KLC1: variants seen among roughly 807,000 people sequenced by gnomAD.
KLC1 encodes the protein kinesin 2 60/70kDa.
In KLC1, 30 loss-of-function variants were observed where a neutral mutation model predicts 84.2. The observed-to-expected ratio is 0.36, with a 90% CI of 0.27 to 0.48. The LOEUF (loss-of-function observed/expected upper bound fraction) is 0.48, where lower values mean the gene tolerates loss of function less well. Ranked by LOEUF, KLC1 falls within the 20% of genes least tolerant of loss-of-function variation. The pLI is 0.99. For synonymous variants in KLC1, 289 were observed against 293.3 expected, an observed-to-expected ratio of 0.99 and a Z score of 0.15; for missense variants, 499 against 805.4, an observed-to-expected ratio of 0.62 and a Z score of 4.60.
At chr14:103,675,659 A>G (rs751138134) in intron 10 of KLC1, 30 bp from the exon 11 acceptor site, 3 of 1,604,794 alleles carry the variant, frequency 1.9e-6, no homozygotes, top group South Asian at 1.1e-5. Context: ...CAAGATAATT[A>G]TTCATTTGAA....
Position 103,701,372 on chromosome 14 carries a change from CCTTGGG to C in KLC1, c.*174_*179del, listed in dbSNP as rs1272142293. The C allele has an allele frequency of 4.6e-5, 31 of 671,682 alleles. No individual in the cohort carries two copies. The South Asian group carries it at 6.8e-4, about 15-fold the overall frequency. 41.6% of individuals were successfully genotyped at this position (671,682 alleles called of 1,614,324 possible). On this transcript the variant is annotated 3_prime_UTR_variant, in exon 17 of 17. Transcript: ENST00000334553. ...ACTAATAACCACACGGCTGGCGTGA[CCTTGGG>C]GCTGGGGCTGGGCCTAAGCTGGTGC...
At chr14:103,658,454 TA>T (rs1567019942) in intron 3 of KLC1, among the ~76,000 whole-genome samples, 1 of 132,646 alleles carries the variant, frequency 7.5e-6, no homozygotes, top group African/African-American at 2.9e-5. Flanking sequence ...TTTTTTTTTT[TA>T]GTAGAGATGA....
intron 3 of KLC1, among the ~76,000 whole-genome samples, chr14:103,658,428 G>GTTTT (rs536826342): frequency 6.6e-5 from 6 of 91,232 alleles, no homozygotes; most frequent in African/African-American, 2.0e-4. Flanking sequence ...GCCCAGCTAA[G>GTTTT]TTTTTTTTTT....
Position 103,700,727 on chromosome 14 carries a change from C to T in KLC1, c.*1C>T, listed in dbSNP as rs375637912. ...GTGGCCTGGAAGACGCCACCGCTAACGTGAGTCCCACGGCCTGCAGCCCCA... is the reference window on the plus strand; with the variant it reads ...GTGGCCTGGAAGACGCCACCGCTAATGTGAGTCCCACGGCCTGCAGCCCCA... On this transcript the variant is annotated splice_region_variant and 3_prime_UTR_variant, in exon 16 of 17. Transcript: ENST00000334553. The T allele has an allele frequency of 1.6e-5, 25 of 1,593,670 alleles. No individual in the cohort carries two copies. The highest frequency in any genetic ancestry group is 1.7e-4 in the Middle Eastern group (1 of 5,768).
At chr14:103,677,587 AT>A in intron 12 of KLC1, 64 bp downstream of exon 12, 1 of 892,984 alleles carries the variant, frequency 1.1e-6, no homozygotes, top group Non-Finnish European at 1.8e-6. Flanking sequence ...TCTCTTTTAC[AT>A]GAATTTTATT....
At position 103,694,730 on chromosome 14, in the gene KLC1, CAG is replaced by C; in HGVS notation, c.1848+2306_1848+2307del. ...AGCTCAGCTTGCCACTGTCATGTAACAGGGTGGGTGGTGGCACAGCAGAGGCT... is the reference window on the plus strand; with the variant it reads ...AGCTCAGCTTGCCACTGTCATGTAACGGTGGGTGGTGGCACAGCAGAGGCT... On this transcript the variant is annotated intron_variant, in intron 15 of 16. Transcript: ENST00000334553. This position sits in a 1 kb window ranked among gnomAD's most constrained non-coding sequence, Gnocchi z 4.5. 3 of 985,480 alleles carry C rather than the reference CAG, an allele frequency of 3.0e-6. No homozygotes were observed. The highest frequency in any genetic ancestry group is 3.6e-6 in the Non-Finnish European group (3 of 829,944). 61.0% of individuals were successfully genotyped at this position (985,480 alleles called of 1,614,324 possible). A position where few individuals can be genotyped will look rare whatever the true frequency, so the allele number is the denominator to read the frequency against.
chr14:103,648,641 AG>A (rs2078145490), intron 1 of KLC1, among the ~76,000 whole-genome samples: 1 of 151,698 alleles, frequency 6.6e-6, no homozygotes, highest in East Asian at 1.9e-4. Flanking sequence ...AAAATAAAAA[AG>A]AAAGAAAAAT....
intron 1 of KLC1, among the ~76,000 whole-genome samples, chr14:103,635,430 C>T (rs2076974806): frequency 1.3e-5 from 2 of 152,054 alleles, no homozygotes; most frequent in Non-Finnish European, 2.9e-5. Flanking sequence ...TTCAAACTAG[C>T]TTGGGCAATA....
intron 1 of KLC1, among the ~76,000 whole-genome samples, chr14:103,651,170 C>T (rs757617974): frequency 6.6e-6 from 1 of 151,494 alleles, no homozygotes; most frequent in African/African-American, 2.4e-5. Context: ...CCACCACGCC[C>T]GGCTAATTTT....
chr14:103,644,022 T>A (rs368122784), intron 1 of KLC1, among the ~76,000 whole-genome samples: 28 of 152,152 alleles, frequency 1.8e-4, no homozygotes, highest in African/African-American at 6.5e-4. Flanking sequence ...GAGACCATCC[T>A]GGGTAACATG....
intron 13 of KLC1, chr14:103,684,902 T>A (rs1432489735): frequency 4.1e-6 from 3 of 722,954 alleles, no homozygotes; most frequent in Non-Finnish European, 7.7e-6. Context: ...ATCCTTTTTC[T>A]CAAGAGCAGC....
At chr14:103,677,378 T>A in intron 11 of KLC1, 37 bp from the exon 12 acceptor site, 3 of 1,223,370 alleles carry the variant, frequency 2.5e-6, no homozygotes, top group Middle Eastern at 1.9e-4. Flanking sequence ...TCAGAGCTTA[T>A]ATGTCATAGT....
At chr14:103,666,075 G>GT (rs369484169) in intron 5 of KLC1, among the ~76,000 whole-genome samples, 5 of 151,298 alleles carry the variant, frequency 3.3e-5, no homozygotes, top group Non-Finnish European at 4.4e-5. Context: ...GCTTCTTTTT[G>GT]TTTTTTTTGA....
intron 1 of KLC1, among the ~76,000 whole-genome samples, chr14:103,634,735 C>CTTT (rs570758645): frequency 6.8e-6 from 1 of 147,222 alleles, no homozygotes; most frequent in African/African-American, 2.5e-5. Context: ...TGACCTTTAA[C>CTTT]TTTTTTTTTT....
chr14:103,636,843 C>T lies in KLC1; in HGVS notation c.-2+7349C>T, dbSNP rs541741288. ...GTTCACGCCATTCCCCTGCCTCAGC[C>T]TCTGGAGTAGCTGGGACTACAGGCG... On this transcript the variant is annotated intron_variant, in intron 1 of 16. Coordinates refer to ENST00000334553, the MANE Select transcript of KLC1 (RefSeq NM_001394837.1). Among the ~76,000 whole-genome samples, 4 of 152,066 alleles carry T rather than the reference C, an allele frequency of 2.6e-5. No homozygotes were observed. In the East Asian group the frequency reaches 5.8e-4, roughly 22 times the overall value.
intron 1 of KLC1, among the ~76,000 whole-genome samples, chr14:103,632,471 T>G (rs191551295): frequency 3.3e-5 from 5 of 151,826 alleles, no homozygotes; most frequent in African/African-American, 9.7e-5. Context: ...ATCCCAGCAC[T>G]TTGGGAGGCC....
At chr14:103,700,609 G>A in intron 15 of KLC1, 46 bp from the exon 16 acceptor site, 1 of 1,525,154 alleles carries the variant, frequency 6.6e-7, no homozygotes, top group Non-Finnish European at 9.0e-7. Context: ...ACGCCTGAGG[G>A]CCGCCTGCAC....
In KLC1 at chr14:103,692,423, C is replaced by T; in HGVS notation, c.1846C>T (p.Gln616Ter). Residue 616 changes from glutamine to a stop codon, truncating the protein, a stop_gained and splice_region_variant, in exon 15 of 17, where the codon CAA becomes TAA. Coordinates refer to ENST00000334553, the MANE Select transcript of KLC1 (RefSeq NM_001394837.1). LOFTEE classifies it high-confidence loss of function. ...VGGKAAEDRFQGVSGRASFCG... is the reference protein window; with the variant it reads ...VGGKAAEDRF The stretch of plus-strand genomic sequence containing the variant: ...TGGCAAGGCTGCTGAAGATCGCTTT[C>T]AAGTAAGGAGCCTACCCCGAATTGT... 1 of 1,536,582 alleles carries T rather than the reference C, an allele frequency of 6.5e-7. No individual in the cohort carries two copies. The highest frequency in any genetic ancestry group is 8.7e-7 in the Non-Finnish European group (1 of 1,146,966).
intron 1 of KLC1, among the ~76,000 whole-genome samples, chr14:103,650,150 C>T (rs1025602720): frequency 6.6e-6 from 1 of 151,312 alleles, no homozygotes; most frequent in South Asian, 2.1e-4. Flanking sequence ...AAAAAAAGTT[C>T]ATAGTTAGAA....
Sources: allele counts gnomAD v4.1 joint callset (sites outside exome capture counted in the v4.1 genomes callset), GRCh38; gene constraint gnomAD v4.1.1; non-coding constraint Gnocchi (gnomAD v3.1); transcripts MANE v1.5; gene names NCBI Gene and HGNC (gene_info 2026-07-23, HGNC 2026-07-21).